Variants in MTBP observed in about 807,000 individuals in gnomAD.
MTBP encodes mdm2-binding protein.
MTBP carries 101 observed loss-of-function variants against 117.0 expected under a neutral mutation model. The ratio of observed to expected loss-of-function variants is 0.86; its 90% CI spans 0.73 to 1.02. The LOEUF is 1.02. Among genes scored for constraint, MTBP ranks in the 50% least tolerant of loss-of-function variants. The pLI, the probability that MTBP is intolerant of heterozygous loss-of-function variation, is 0.00. For synonymous variants in MTBP, 350 were observed against 351.5 expected, an observed-to-expected ratio of 1.00 and a Z score of 0.05; for missense variants, 970 against 1,030.9, an observed-to-expected ratio of 0.94 and a Z score of 0.81.
chr8:120,498,031 T>C (rs1165423516), intron 14 of MTBP, among the ~76,000 whole-genome samples: 1 of 152,224 alleles, frequency 6.6e-6, no homozygotes, highest in Non-Finnish European at 1.5e-5. Context: ...TTAGTTGTAT[T>C]TCTTTCCGCT....
intron 17 of MTBP, among the ~76,000 whole-genome samples, chr8:120,511,698 C>A (rs34116636): frequency 6.6e-6 from 1 of 151,820 alleles, no homozygotes; most frequent in Non-Finnish European, 1.5e-5. Context: ...TTCTGTTTTC[C>A]CCCTTCTGAT....
At position 120,497,492 on chromosome 8, in the gene MTBP, C is replaced by T; in HGVS notation, c.1547C>T (p.Ala516Val). Reference protein sequence around the residue: ...TRKHFLDYFDAVIPKMILRKM... With the variant: ...TRKHFLDYFDVVIPKMILRKM... ...AAACACTTTTTAGATTATTTTGATG[C>T]TGTGATTCCTAAAATGATTCTAAGA... Residue 516 changes from alanine (A) to valine (V), a missense_variant, in exon 14 of 22, where the codon GCT becomes GTT. Transcript: ENST00000305949. The T allele has an allele frequency of 6.3e-7, 1 of 1,585,774 alleles. No individual in the cohort carries two copies. The highest frequency in any genetic ancestry group is 8.6e-7 in the Non-Finnish European group (1 of 1,157,418).
intron 4 of MTBP, chr8:120,451,726 T>G (rs1813350565): frequency 6.2e-6 from 1 of 160,486 alleles, no homozygotes; most frequent in African/African-American, 2.4e-5. Context: ...ACTACAGGTG[T>G]GCACCACCAC....
At chr8:120,463,275 G>T (rs1421165616) in intron 9 of MTBP, among the ~76,000 whole-genome samples, 2 of 152,016 alleles carry the variant, frequency 1.3e-5, no homozygotes, top group Non-Finnish European at 2.9e-5. Flanking sequence ...ACATGTATCT[G>T]CAAATATATT....
In MTBP at chr8:120,506,775, A is replaced by G; in HGVS notation, c.1797A>G (p.Thr599=). 6.2e-7 allele frequency: 1 copy of G among 1,613,590 alleles called. No individual in the cohort carries two copies. The highest frequency in any genetic ancestry group is 8.5e-7 in the Non-Finnish European group (1 of 1,179,624). Residue 599 remains threonine (T), a synonymous_variant, in exon 16 of 22, where the codon ACA becomes ACG. Transcript: ENST00000305949. ...AAGAGGGTCCTCGGGACTCAATCAC[A>G]TTGTTGGATGCTAAAGAATTGCTGA... ...GHKEGPRDSI[T]LLDAKELLKY... is the part of the protein sequence containing the mutation.
chr8:120,514,507 A>C (rs12155569), intron 17 of MTBP, among the ~76,000 whole-genome samples: 83,400 of 151,852 alleles, frequency 0.55, 25,324 homozygotes, highest in Non-Finnish European at 0.67. Flanking sequence ...ACACTGAGCA[A>C]GTAGTATTTC....
intron 8 of MTBP, among the ~76,000 whole-genome samples, chr8:120,460,350 TTC>T (rs1229566823): frequency 2.6e-5 from 4 of 152,168 alleles, no homozygotes; most frequent in Non-Finnish European, 4.4e-5. Context: ...AAAATTCATA[TTC>T]TCTCTCTGTA....
chr8:120,501,924 A>T (rs563672682), intron 14 of MTBP, among the ~76,000 whole-genome samples: 266 of 152,326 alleles, frequency 1.7e-3, no homozygotes, highest in Admixed American at 2.9e-3. Context: ...TCTTACACAT[A>T]ATATTTGATT....
chr8:120,488,518 A>G (rs917920773), intron 12 of MTBP, among the ~76,000 whole-genome samples, 186 bp downstream of exon 12: 1 of 152,210 alleles, frequency 6.6e-6, no homozygotes, highest in Non-Finnish European at 1.5e-5. Flanking sequence ...TTAATGTGCA[A>G]AGAGCAAATT....
intron 15 of MTBP, among the ~76,000 whole-genome samples, chr8:120,502,852 TA>T (rs1814613632): frequency 6.6e-6 from 1 of 152,188 alleles, no homozygotes; most frequent in Non-Finnish European, 1.5e-5. Flanking sequence ...AACATTTTGG[TA>T]TATAGCCTTT....
At chr8:120,494,507 A>G (rs1814412813) in intron 13 of MTBP, among the ~76,000 whole-genome samples, 1 of 152,174 alleles carries the variant, frequency 6.6e-6, no homozygotes, top group Admixed American at 6.5e-5. Flanking sequence ...ATAGACAGCT[A>G]TCCTCAGCTC....
intron 1 of MTBP, 85 bp downstream of exon 1, chr8:120,445,673 G>C: frequency 9.2e-7 from 1 of 1,082,714 alleles, no homozygotes; most frequent in Non-Finnish European, 1.4e-6. Context: ...TGCTGAAGAG[G>C]GATCAATATG....
chr8:120,475,973 G>T (rs777939718), intron 11 of MTBP, among the ~76,000 whole-genome samples: 2 of 151,720 alleles, frequency 1.3e-5, no homozygotes, highest in Non-Finnish European at 2.9e-5. Flanking sequence ...TTTAATTCTC[G>T]AAACAATACT....
chr8:120,464,327 C>T (rs1813641828), intron 10 of MTBP, among the ~76,000 whole-genome samples: 2 of 151,828 alleles, frequency 1.3e-5, no homozygotes, highest in Admixed American at 6.6e-5. Flanking sequence ...TTTAAGTGGA[C>T]TCATCTATTT....
In MTBP at chr8:120,445,519, T is replaced by C. The variant is rs140798552; in HGVS notation, c.49T>C (p.Ser17Pro). 11 of 1,613,340 alleles carry C rather than the reference T, an allele frequency of 6.8e-6. No homozygotes were observed. Among genetic ancestry groups the C allele is most frequent in the Non-Finnish European group, 9.3e-6 (11 of 1,179,772 alleles). ...LVIWGEGKFP[S>P]AASREAEHGP... ...GATCTGGGGGGAAGGAAAATTCCCG[T>C]CGGCGGCCAGTAGGGAGGCAGAACA... The change falls in exon 1 of 22, where the codon TCG becomes CCG. Residue 17 changes from serine to proline, a missense_variant. Ser to Pro is a moderately conservative substitution (Grantham distance 74). Transcript: ENST00000305949.
intron 10 of MTBP, among the ~76,000 whole-genome samples, chr8:120,468,312 C>T (rs1000133911): frequency 1.3e-5 from 2 of 152,056 alleles, no homozygotes; most frequent in African/African-American, 4.8e-5. Flanking sequence ...TGGTTTCAGA[C>T]CATGAATTTT....
At chr8:120,446,772 C>T (rs1813236127) in intron 2 of MTBP, among the ~76,000 whole-genome samples, 1 of 152,062 alleles carries the variant, frequency 6.6e-6, no homozygotes, top group African/African-American at 2.4e-5. Context: ...TCTTGCCTAT[C>T]TTAGTTCTGT....
At chr8:120,515,863 AAAG>A (rs1814906464) in intron 17 of MTBP, 59 bp from the exon 18 acceptor site, 1 of 1,438,456 alleles carries the variant, frequency 7.0e-7, no homozygotes, top group Non-Finnish European at 9.5e-7. Flanking sequence ...TTTCTCATTG[AAAG>A]GGGAAAGTCT....
At chr8:120,457,075 G>A (rs1189967105) in intron 7 of MTBP, among the ~76,000 whole-genome samples, 1 of 152,060 alleles carries the variant, frequency 6.6e-6, no homozygotes, top group African/African-American at 2.4e-5. Context: ...AAACTACTTA[G>A]AGCATATTGT....
Sources: allele counts gnomAD v4.1 joint callset (sites outside exome capture counted in the v4.1 genomes callset), GRCh38; gene constraint gnomAD v4.1.1; transcripts MANE v1.5; gene names NCBI Gene and HGNC (gene_info 2026-07-23, HGNC 2026-07-21).